ATP10B: variants seen among roughly 807,000 people sequenced by gnomAD.
ATP10B encodes the protein phospholipid-transporting ATPase VB.
A neutral mutation model predicts 141.2 loss-of-function variants in ATP10B; 122 were observed. The observed-to-expected ratio is 0.86, with a 90% CI of 0.75 to 1.00. The LOEUF (loss-of-function observed/expected upper bound fraction) is 1.00. Ranked by LOEUF, ATP10B falls within the 50% of genes least tolerant of loss-of-function variation. ATP10B has a pLI of 0.00. For missense variants in ATP10B, 1,876 were observed against 1,825.3 expected (o/e 1.03, Z -0.51); for synonymous variants, 685 against 692.0 (o/e 0.99, Z 0.16).
chr5:160,773,795 G>C (rs1009836417), intron 2 of ATP10B, among the ~76,000 whole-genome samples: 15 of 152,108 alleles, frequency 9.9e-5, no homozygotes, highest in African/African-American at 3.4e-4. Context: ...AAGGTATGTG[G>C]ATATTCCTAT....
At chr5:160,687,580 G>A (rs916514688) in intron 5 of ATP10B, among the ~76,000 whole-genome samples, 3 of 152,078 alleles carry the variant, frequency 2.0e-5, no homozygotes, top group South Asian at 4.2e-4. Flanking sequence ...CTTGGGCAAC[G>A]TGGCAAAACC....
chr5:160,617,881 G>A lies in ATP10B; in HGVS notation c.2509C>T (p.Leu837=). 1 of 1,614,038 alleles carries A rather than the reference G, an allele frequency of 6.2e-7. No homozygotes were observed. Among genetic ancestry groups the A allele is most frequent in the Middle Eastern group, 1.6e-4 (1 of 6,062 alleles). ...GTTCTTACCTTCTTGGCAATGCATAGTGTGCGCAGGCCATCTCTTGCATAC... is the reference window on the plus strand; with the variant it reads ...GTTCTTACCTTCTTGGCAATGCATAATGTGCGCAGGCCATCTCTTGCATAC... ...DLYARDGLRT[L]CIAKKVVSEE... is the part of the protein sequence containing the mutation. The change falls in exon 16 of 26, where the codon CTA becomes TTA. Residue 837 remains leucine (L), a synonymous_variant. Coordinates refer to ENST00000327245, the MANE Select transcript of ATP10B (RefSeq NM_025153.3).
the ATP10B span, among the ~76,000 whole-genome samples, chr5:160,902,616 G>T: frequency 3.3e-5 from 5 of 152,180 alleles, no homozygotes; most frequent in Non-Finnish European, 7.3e-5. Flanking sequence ...GAGGAAAAAG[G>T]AATAATGTCA....
At chr5:160,648,093 G>A (rs1760423458) in intron 8 of ATP10B, among the ~76,000 whole-genome samples, 1 of 152,180 alleles carries the variant, frequency 6.6e-6, no homozygotes, top group Admixed American at 6.5e-5. Flanking sequence ...TGTTCCTGCT[G>A]TGAGTTAGGG....
At chr5:160,805,124 T>C (rs565955694) in intron 1 of ATP10B, among the ~76,000 whole-genome samples, 7 of 152,378 alleles carry the variant, frequency 4.6e-5, no homozygotes, top group South Asian at 2.1e-4. Flanking sequence ...ATTGTATGTG[T>C]CTATATATTA....
At chr5:160,898,847 G>A in the ATP10B span, among the ~76,000 whole-genome samples, 2 of 152,118 alleles carry the variant, frequency 1.3e-5, no homozygotes, top group East Asian at 1.9e-4. Flanking sequence ...GCTTTGCAGG[G>A]ACATGGATGA....
the ATP10B span, among the ~76,000 whole-genome samples, chr5:160,919,679 ATC>A: frequency 6.6e-6 from 1 of 152,120 alleles, no homozygotes; most frequent in African/African-American, 2.4e-5. Context: ...CTGCTGACTG[ATC>A]TCTGTCATGT....
chr5:160,870,622 G>A, the ATP10B span, among the ~76,000 whole-genome samples: 1 of 152,028 alleles, frequency 6.6e-6, no homozygotes, highest in Non-Finnish European at 1.5e-5. Context: ...AATACTAGAA[G>A]GAGAAAAAGA....
intron 18 of ATP10B, among the ~76,000 whole-genome samples, chr5:160,611,090 C>T (rs546259744): frequency 5.3e-5 from 8 of 152,200 alleles, no homozygotes; most frequent in African/African-American, 1.9e-4. Flanking sequence ...TATTTTTCAT[C>T]CCAGGTAAAG....
chr5:160,808,806 T>C (rs572439858), intron 1 of ATP10B, among the ~76,000 whole-genome samples: 1 of 152,318 alleles, frequency 6.6e-6, no homozygotes, highest in East Asian at 1.9e-4. Flanking sequence ...CATAACAAAG[T>C]GCCCCAAAAC....
chr5:160,865,221 T>C, the ATP10B span, among the ~76,000 whole-genome samples: 4 of 151,834 alleles, frequency 2.6e-5, no homozygotes, highest in Non-Finnish European at 4.4e-5. Context: ...GGTAAGAAAA[T>C]AGGCATATAG....
At chr5:160,645,269 G>A (rs1170205796) in intron 8 of ATP10B, among the ~76,000 whole-genome samples, 1 of 152,210 alleles carries the variant, frequency 6.6e-6, no homozygotes, top group Non-Finnish European at 1.5e-5. Context: ...GACTGGCAGT[G>A]TTCACATGCT....
rs116377001 is a variant in ATP10B at position 160,720,066 on chromosome 5, T to G, written c.-330-3032A>C. Among the ~76,000 whole-genome samples, 1,501 of 152,334 alleles carry G rather than the reference T, an allele frequency of 9.9e-3. 24 individuals carry two copies. The highest frequency in any genetic ancestry group is 0.035 in the African/African-American group (1,436 of 41,580). ...ATGTCCTGTAACTCCTCCCAAGGCA[T>G]TGGTGATTTTATGGCTACTCTGAAT... is the stretch of plus-strand genomic sequence containing the variant. On this transcript the variant is annotated intron_variant, in intron 2 of 25. Coordinates refer to ENST00000327245, the MANE Select transcript of ATP10B (RefSeq NM_025153.3).
the ATP10B span, among the ~76,000 whole-genome samples, chr5:160,863,134 C>T: frequency 6.6e-6 from 1 of 151,932 alleles, no homozygotes; most frequent in Non-Finnish European, 1.5e-5. Context: ...TCTTTTTCAG[C>T]TACTTCCATT....
intron 2 of ATP10B, among the ~76,000 whole-genome samples, chr5:160,773,534 TTA>T (rs1464905763): frequency 6.6e-6 from 1 of 152,310 alleles, no homozygotes; most frequent in East Asian, 1.9e-4. Flanking sequence ...GCTAAATAAT[TTA>T]TATGCTATTT....
chr5:160,911,269 T>G, the ATP10B span, among the ~76,000 whole-genome samples: 1 of 152,238 alleles, frequency 6.6e-6, no homozygotes, highest in Non-Finnish European at 1.5e-5. Flanking sequence ...TGCTATACGT[T>G]GGACATTCTT....
Position 160,625,009 on chromosome 5 carries a change from G to A in ATP10B, c.1621-2424C>T, listed in dbSNP as rs538652603. On this transcript the variant is annotated intron_variant, in intron 13 of 25. Transcript: ENST00000327245. ...CAGAGTAATGACAGCTCGTATTCATGTGGTGTTTCTTATGTTCTAGTACAT... is the reference window on the plus strand; with the variant it reads ...CAGAGTAATGACAGCTCGTATTCATATGGTGTTTCTTATGTTCTAGTACAT... Among the ~76,000 whole-genome samples, 2 of 152,284 alleles carry A rather than the reference G, an allele frequency of 1.3e-5. 1 individual carries two copies. Among genetic ancestry groups the A allele is most frequent in the South Asian group, 4.2e-4 (2 of 4,810 alleles).
At chr5:160,829,089 G>A (rs796365259) in intron 1 of ATP10B, among the ~76,000 whole-genome samples, 2 of 150,674 alleles carry the variant, frequency 1.3e-5, no homozygotes, top group African/African-American at 4.9e-5. Context: ...GATAGCATTA[G>A]GAGATATACC....
chr5:160,813,076 T>C (rs367673108), intron 1 of ATP10B, among the ~76,000 whole-genome samples: 6 of 152,220 alleles, frequency 3.9e-5, no homozygotes, highest in African/African-American at 1.4e-4. Flanking sequence ...AGATGGGTGA[T>C]TTCTGCATTT....
Sources: allele counts gnomAD v4.1 joint callset (sites outside exome capture counted in the v4.1 genomes callset), GRCh38; gene constraint gnomAD v4.1.1; transcripts MANE v1.5; gene names NCBI Gene and HGNC (gene_info 2026-07-23, HGNC 2026-07-21).